PLS3: variants seen among roughly 807,000 people sequenced by gnomAD.
The protein encoded by PLS3 is plastin-3.
Under a neutral mutation model 46.5 loss-of-function variants are expected in PLS3, and 11 were observed. The ratio of observed to expected loss-of-function variants is 0.24; its 90% CI spans 0.15 to 0.39. The LOEUF (loss-of-function observed/expected upper bound fraction) is 0.39, where lower values mean the gene tolerates loss of function less well. Among genes scored for constraint, PLS3 ranks in the 10% least tolerant of loss-of-function variants. PLS3 has a pLI of 1.00. For missense variants in PLS3, 308 were observed against 461.8 expected (o/e 0.67, Z 3.05); for synonymous variants, 167 against 162.2 (o/e 1.03, Z -0.22).
intron 9 of PLS3, among the ~76,000 whole-genome samples, chrX:115,642,772 A>G (rs1556641170): frequency 2.7e-5 from 3 of 112,002 alleles, no homozygotes; most frequent in African/African-American, 9.7e-5. Flanking sequence ...AATGAACACC[A>G]TTTTCTAAAG....
intron 2 of PLS3, among the ~76,000 whole-genome samples, chrX:115,620,276 G>A (rs1283219886): frequency 9.0e-6 from 1 of 110,513 alleles, no homozygotes; most frequent in African/African-American, 3.3e-5. Context: ...TACTTTTCCC[G>A]AAACACACCA....
At chrX:115,587,816 AC>A (rs2074320299) in intron 1 of PLS3, among the ~76,000 whole-genome samples, 1 of 111,974 alleles carries the variant, frequency 8.9e-6, no homozygotes, top group Non-Finnish European at 1.9e-5. Flanking sequence ...TCTAACAGAT[AC>A]TTTATTTTTA....
intron 1 of PLS3, among the ~76,000 whole-genome samples, chrX:115,588,163 AAAAATCATTGATATT>A (rs1222830150): frequency 6.2e-5 from 7 of 112,656 alleles, no homozygotes; most frequent in Non-Finnish European, 1.1e-4. Flanking sequence ...TAGATTTTGA[AAAAATCATTGATATT>A]GTATCAGACT....
At chrX:115,618,975 C>T (rs182680225) in intron 2 of PLS3, among the ~76,000 whole-genome samples, 2 of 112,524 alleles carry the variant, frequency 1.8e-5, no homozygotes, top group Admixed American at 1.9e-4. Context: ...GCTATCTCTT[C>T]CTCCAAAGAT....
chrX:115,592,514 C>T (rs2074352321), intron 1 of PLS3, among the ~76,000 whole-genome samples: 1 of 111,390 alleles, frequency 9.0e-6, no homozygotes, highest in African/African-American at 3.3e-5. Context: ...ATGAACTTGC[C>T]CTATGTCAGC....
chrX:115,616,457 C>A (rs1326158732), intron 2 of PLS3, among the ~76,000 whole-genome samples: 1 of 111,690 alleles, frequency 9.0e-6, no homozygotes, highest in Non-Finnish European at 1.9e-5. Flanking sequence ...CTACTTTTCT[C>A]CGATGTAGAA....
At chrX:115,608,823 A>G (rs2074519637) in intron 1 of PLS3, among the ~76,000 whole-genome samples, 1 of 111,236 alleles carries the variant, frequency 9.0e-6, no homozygotes, top group Non-Finnish European at 1.9e-5. Context: ...CAATGGCAAA[A>G]TCACTTGACA....
intron 1 of PLS3, among the ~76,000 whole-genome samples, chrX:115,582,992 G>A (rs1369406931): frequency 2.7e-5 from 3 of 111,830 alleles, no homozygotes; most frequent in African/African-American, 9.8e-5. Flanking sequence ...TGTAAGCTGT[G>A]ATTGCACCAC....
chrX:115,636,726 T>C lies in PLS3; in HGVS notation c.749-110T>C, dbSNP rs1263267476. The C allele has an allele frequency of 5.2e-6, 3 of 579,217 alleles. No individual in the cohort carries two copies. In the African/African-American group the frequency reaches 6.8e-5, roughly 13 times the overall value. 47.7% of individuals were successfully genotyped at this position (579,217 alleles called of 1,213,427 possible). A position where few individuals can be genotyped will look rare whatever the true frequency, so the allele number is the denominator to read the frequency against. ...TATCTTGAAACTAGGAACTATGTCA[T>C]AGTAGTTTTTGCACCTCTATTACTT... On this transcript the variant is annotated intron_variant, in intron 7 of 15. Coordinates refer to ENST00000355899, the MANE Select transcript of PLS3 (RefSeq NM_005032.7).
At chrX:115,598,771 C>G (rs781949913) in intron 1 of PLS3, among the ~76,000 whole-genome samples, 4 of 111,779 alleles carry the variant, frequency 3.6e-5, no homozygotes, top group African/African-American at 9.7e-5. Flanking sequence ...CAAAGAGAAG[C>G]AGAAGCCTGT....
intron 5 of PLS3, among the ~76,000 whole-genome samples, 200 bp downstream of exon 5, chrX:115,630,167 G>A (rs1556639073): frequency 9.0e-6 from 1 of 111,070 alleles, no homozygotes; most frequent in Non-Finnish European, 1.9e-5. Flanking sequence ...CCTCTTTATA[G>A]GGAAGCTCTC....
At chrX:115,615,341 T>G (rs782094727) in intron 2 of PLS3, among the ~76,000 whole-genome samples, 1 of 110,994 alleles carries the variant, frequency 9.0e-6, no homozygotes, top group Non-Finnish European at 1.9e-5. Flanking sequence ...TGCAGGAACA[T>G]GGCTGTGTAA....
At chrX:115,607,357 AT>A (rs2074503627) in intron 1 of PLS3, among the ~76,000 whole-genome samples, 1 of 111,734 alleles carries the variant, frequency 8.9e-6, no homozygotes, top group African/African-American at 3.3e-5. Flanking sequence ...AGATCCTGAG[AT>A]TACTCTGAAA....
intron 1 of PLS3, among the ~76,000 whole-genome samples, chrX:115,584,818 T>G (rs1165828553): frequency 1.8e-5 from 2 of 112,047 alleles, no homozygotes; most frequent in African/African-American, 6.5e-5. Flanking sequence ...CAGTTATTTT[T>G]GCCTATGTGA....
chrX:115,596,532 G>A (rs1399714085), intron 1 of PLS3, among the ~76,000 whole-genome samples: 1 of 111,590 alleles, frequency 9.0e-6, no homozygotes, highest in African/African-American at 3.3e-5. Flanking sequence ...ACCCTATGAC[G>A]CATCTCCTTT....
At position 115,640,404 on chromosome X, in the gene PLS3, G is replaced by A; in HGVS notation, c.892-4G>A. 8.8e-7 allele frequency: 1 copy of A among 1,141,871 alleles called. No homozygotes were observed. The highest frequency in any genetic ancestry group is 1.2e-6 in the Non-Finnish European group (1 of 832,387). The allele number at this position is 1,141,871 out of a possible 1,213,427, so 94.1% of individuals were successfully genotyped here. Reference sequence around the variant, plus strand: ...ATCTCACTGACATTTTCAATTCTTTGTAGGATTCCAAAGCCTATTTCCATC... The same window carrying A: ...ATCTCACTGACATTTTCAATTCTTTATAGGATTCCAAAGCCTATTTCCATC... On this transcript the variant is annotated splice_polypyrimidine_tract_variant and splice_region_variant and intron_variant, in intron 8 of 15. Coordinates refer to ENST00000355899, the MANE Select transcript of PLS3 (RefSeq NM_005032.7).
At chrX:115,645,983 CTTG>C in intron 11 of PLS3, 86 bp from the exon 12 acceptor site, 1 of 519,840 alleles carries the variant, frequency 1.9e-6, no homozygotes, top group East Asian at 3.6e-5. Context: ...TTTTATATAT[CTTG>C]TTTGACAATG....
chrX:115,636,912 A>G lies in PLS3; in HGVS notation c.825A>G (p.Arg275=). Residue 275 remains arginine (R), a synonymous_variant, in exon 8 of 16, where the codon AGA becomes AGG. Transcript: ENST00000355899. ...MKLSPEELLL[R]WANFHLENSG... ...TGTCTCCAGAAGAGCTTCTGCTTAG[A>G]TGGGCAAACTTTCATTTGGAAAACT... 2 of 1,208,318 alleles carry G rather than the reference A, an allele frequency of 1.7e-6. No homozygotes were observed. Among genetic ancestry groups the G allele is most frequent in the Non-Finnish European group, 2.2e-6 (2 of 893,201 alleles).
At chrX:115,611,703 G>A (rs1427512326) in intron 2 of PLS3, among the ~76,000 whole-genome samples, 1 of 111,429 alleles carries the variant, frequency 9.0e-6, no homozygotes, top group Non-Finnish European at 1.9e-5. Context: ...AAATAATTAC[G>A]TGCAATATTC....
Sources: allele counts gnomAD v4.1 joint callset (sites outside exome capture counted in the v4.1 genomes callset), GRCh38; gene constraint gnomAD v4.1.1; transcripts MANE v1.5; gene names NCBI Gene and HGNC (gene_info 2026-07-23, HGNC 2026-07-21).